EDEM2: variants seen among roughly 807,000 people sequenced by gnomAD.
EDEM2 encodes the protein ER degradation-enhancing alpha-mannosidase-like protein 2.
EDEM2 carries 39 observed loss-of-function variants against 64.8 expected under a neutral mutation model. That is an observed-to-expected ratio of 0.60 (90% confidence interval 0.47 to 0.79). The LOEUF (loss-of-function observed/expected upper bound fraction) is 0.79, where lower values mean the gene tolerates loss of function less well. EDEM2 is among the 30% of genes least tolerant of loss of function. The probability of loss-of-function intolerance (pLI) is 0.00; values close to 1 mark genes in which losing one functional copy is unlikely to be tolerated. For synonymous variants in EDEM2, 296 were observed against 291.5 expected (o/e 1.02, Z -0.16); for missense variants, 609 against 731.3 (o/e 0.83, Z 1.93).
intron 2 of EDEM2, 122 bp downstream of exon 2, chr20:35,146,703 G>A: frequency 2.8e-6 from 3 of 1,061,918 alleles, no homozygotes; most frequent in South Asian, 1.5e-5. Flanking sequence ...CGCGGCTCTA[G>A]CTCAGCTGGG....
intron 2 of EDEM2, among the ~76,000 whole-genome samples, chr20:35,145,749 T>A (rs990280884): frequency 6.6e-6 from 1 of 152,188 alleles, no homozygotes; most frequent in Non-Finnish European, 1.5e-5. Flanking sequence ...GGCTCATGCC[T>A]GTAATCCGCC....
At chr20:35,124,289 G>A (rs1007596335) in intron 8 of EDEM2, among the ~76,000 whole-genome samples, 1 of 152,150 alleles carries the variant, frequency 6.6e-6, no homozygotes, top group Non-Finnish European at 1.5e-5. Context: ...TAAATCTTCA[G>A]AGTCAATGTC....
In EDEM2 at chr20:35,141,571, T is replaced by C. The variant is rs189977228; in HGVS notation, c.364+802A>G. 1.2e-3 allele frequency among the ~76,000 whole-genome samples: 179 copies of C among 152,328 alleles called. 1 individual carries two copies. The highest frequency in any genetic ancestry group is 4.1e-3 in the African/African-American group (171 of 41,574). On this transcript the variant is annotated intron_variant, in intron 4 of 10. Transcript: ENST00000374492. ...GGATCATATGTCTGGAATATAAGTT[T>C]CATTGCAGAAAACATACAAAATAAT... is the stretch of plus-strand genomic sequence containing the variant.
Position 35,146,881 on chromosome 20 carries a change from G to A in EDEM2, c.162C>T (p.Ala54=), listed in dbSNP as rs770283849. ...GAGGTCGCAGCTCATCGAAGGGAAAGGCATTCTCCAGGTAGCTGTCGTAGG... is the reference window on the plus strand; with the variant it reads ...GAGGTCGCAGCTCATCGAAGGGAAAAGCATTCTCCAGGTAGCTGTCGTAGG... ...YHAYDSYLEN[A]FPFDELRPLT... Residue 54 remains alanine, a synonymous_variant, in exon 2 of 11, where the codon GCC becomes GCT. Coordinates refer to ENST00000374492, the MANE Select transcript of EDEM2 (RefSeq NM_018217.3). The A allele has an allele frequency of 5.0e-6, 8 of 1,614,198 alleles. No homozygotes were observed. The highest frequency in any genetic ancestry group is 2.2e-5 in the East Asian group (1 of 44,878).
rs965118658 is a variant in EDEM2, at chr20:35,146,775, G to A, written c.218+50C>T. The A allele has an allele frequency of 1.9e-6, 3 of 1,591,104 alleles. No individual in the cohort carries two copies. The South Asian group carries it at 3.4e-5, about 18-fold the overall frequency. On this transcript the variant is annotated intron_variant, in intron 2 of 10. Transcript: ENST00000374492. ...CAGCCCCAGCTGACCCGCCCGCCGA[G>A]GCCCAGAGAGTCAGACCCTGGCCGC...
intron 8 of EDEM2, among the ~76,000 whole-genome samples, chr20:35,125,621 T>G (rs1333518710): frequency 6.6e-6 from 1 of 152,130 alleles, no homozygotes; most frequent in Non-Finnish European, 1.5e-5. Context: ...CCTAACCTTG[T>G]GATCCGCCTG....
At chr20:35,123,593 A>C (rs1340876100) in intron 9 of EDEM2, among the ~76,000 whole-genome samples, 1 of 152,176 alleles carries the variant, frequency 6.6e-6, no homozygotes, top group Non-Finnish European at 1.5e-5. Flanking sequence ...ACTCCATCTC[A>C]AAAAAATAAA....
chr20:35,120,718 C>T (rs1344786863), intron 9 of EDEM2, among the ~76,000 whole-genome samples: 1 of 151,868 alleles, frequency 6.6e-6, no homozygotes, highest in East Asian at 1.9e-4. Context: ...CTGTCTCAGC[C>T]TCCTGAGTAG....
chr20:35,138,027 A>T, intron 4 of EDEM2, 22 bp from the exon 5 acceptor site: 1 of 1,613,262 alleles, frequency 6.2e-7, no homozygotes, highest in Non-Finnish European at 8.5e-7. Flanking sequence ...ACAGAAAGCA[A>T]ATGGCACAGT....
At position 35,126,333 on chromosome 20, in the gene EDEM2, C is replaced by G; in HGVS notation, c.887G>C (p.Trp296Ser). 6.2e-7 allele frequency: 1 copy of G among 1,614,106 alleles called. No individual in the cohort carries two copies. The highest frequency in any genetic ancestry group is 2.2e-5 in the East Asian group (1 of 44,888). Residue 296 changes from tryptophan (W) to serine (S), a missense_variant, in exon 8 of 11, where the codon TGG becomes TCG. By Grantham distance (177) the Trp-to-Ser change is radical. Coordinates refer to ENST00000374492, the MANE Select transcript of EDEM2 (RefSeq NM_018217.3). ...AIRNYTRFDD[W>S]YLWVQMYKGT... ...CTTGTACATCTGAACCCACAGGTAC[C>G]AGTCATCGAAGCGGGTGTAGTTCCG...
At chr20:35,128,520 G>A (rs2085466465) in intron 7 of EDEM2, among the ~76,000 whole-genome samples, 1 of 147,292 alleles carries the variant, frequency 6.8e-6, no homozygotes, top group African/African-American at 2.6e-5. Context: ...GAGCCGAGAT[G>A]GTGCCACTGC....
chr20:35,116,876 G>C lies in EDEM2; in HGVS notation c.1237-943C>G, dbSNP rs2085315083. On this transcript the variant is annotated intron_variant, in intron 10 of 10. Transcript: ENST00000374492. ...ATGGTCTCGGCTCACTGCAACCTCT[G>C]CCTCCCGGGTTCAAGCAATTCTCCT... 4.6e-5 allele frequency among the ~76,000 whole-genome samples: 7 copies of C among 151,910 alleles called. No individual in the cohort carries two copies. The South Asian group carries it at 1.5e-3, about 32-fold the overall frequency.
chr20:35,132,694 ATTTAT>A (rs1412094993), intron 6 of EDEM2, among the ~76,000 whole-genome samples: 3 of 152,018 alleles, frequency 2.0e-5, no homozygotes, highest in African/African-American at 7.2e-5. Context: ...ATTTTATTGT[ATTTAT>A]TTTATTTTTT....
intron 6 of EDEM2, 92 bp downstream of exon 6, chr20:35,134,646 C>T: frequency 6.9e-7 from 1 of 1,442,020 alleles, no homozygotes; most frequent in East Asian, 2.4e-5. Flanking sequence ...CAAGGTCACC[C>T]TAAGTTTTCC....
intron 7 of EDEM2, 145 bp downstream of exon 7, chr20:35,131,497 C>A: frequency 4.2e-6 from 4 of 954,804 alleles, no homozygotes; most frequent in Non-Finnish European, 6.2e-6. Context: ...ACCTGGGAGG[C>A]AGAGGTTGCA....
intron 4 of EDEM2, among the ~76,000 whole-genome samples, chr20:35,141,880 TA>T (rs2085659184): frequency 6.6e-6 from 1 of 152,234 alleles, no homozygotes. Context: ...TACATGTGAC[TA>T]CTTAAATTTA....
At chr20:35,137,464 C>T (rs1445772856) in intron 5 of EDEM2, among the ~76,000 whole-genome samples, 1 of 152,028 alleles carries the variant, frequency 6.6e-6, no homozygotes, top group African/African-American at 2.4e-5. Context: ...GGCTTGGTCA[C>T]GATGTTGGCT....
intron 9 of EDEM2, 89 bp from the exon 10 acceptor site, chr20:35,118,808 C>A: frequency 6.5e-7 from 1 of 1,550,050 alleles, no homozygotes; most frequent in Non-Finnish European, 8.7e-7. Flanking sequence ...TACTCCCCTC[C>A]ATATCTTGTC....
intron 9 of EDEM2, 123 bp from the exon 10 acceptor site, chr20:35,118,842 C>T (rs902460050): frequency 1.1e-5 from 15 of 1,361,232 alleles, no homozygotes; most frequent in African/African-American, 1.5e-5. Flanking sequence ...CTAGCAGGAA[C>T]ACAGGATACC....
Sources: allele counts gnomAD v4.1 joint callset (sites outside exome capture counted in the v4.1 genomes callset), GRCh38; gene constraint gnomAD v4.1.1; transcripts MANE v1.5; gene names NCBI Gene and HGNC (gene_info 2026-07-23, HGNC 2026-07-21).